ATRNL1: variants seen among roughly 807,000 people sequenced by gnomAD.
ATRNL1 encodes attractin like 1, also known as attractin-like protein 1.
In ATRNL1, 95 loss-of-function variants were observed where a neutral mutation model predicts 182.7. The ratio of observed to expected loss-of-function variants is 0.52; its 90% CI spans 0.44 to 0.62. The LOEUF is 0.62. ATRNL1 is among the 20% of genes least tolerant of loss of function. The pLI is 0.00. For missense variants in ATRNL1, 1,471 were observed against 1,679.5 expected (o/e 0.88, Z 2.17); for synonymous variants, 576 against 568.3 (o/e 1.01, Z -0.19).
At chr10:115,115,425 T>C (rs1223704511) in intron 1 of ATRNL1, among the ~76,000 whole-genome samples, 1 of 152,096 alleles carries the variant, frequency 6.6e-6, no homozygotes, top group Non-Finnish European at 1.5e-5. Flanking sequence ...GCAAAAAATA[T>C]GTATGTGGGG....
intron 8 of ATRNL1, among the ~76,000 whole-genome samples, chr10:115,203,083 G>A (rs1227395046): frequency 6.6e-6 from 1 of 152,258 alleles, no homozygotes; most frequent in Non-Finnish European, 1.5e-5. Flanking sequence ...ATTGGAATAA[G>A]AGAATAGCTT....
chr10:115,719,460 G>T (rs1249683245), intron 26 of ATRNL1, among the ~76,000 whole-genome samples: 3 of 152,162 alleles, frequency 2.0e-5, no homozygotes, highest in African/African-American at 7.2e-5. Context: ...TCACAAGTTG[G>T]AATTCTTTGT....
At chr10:115,235,889 A>G (rs372838187) in intron 9 of ATRNL1, among the ~76,000 whole-genome samples, 1 of 152,258 alleles carries the variant, frequency 6.6e-6, no homozygotes, top group East Asian at 1.9e-4. Context: ...TTCTCACTAG[A>G]AAGAGTTATT....
chr10:115,755,423 A>G (rs1424046762), intron 27 of ATRNL1, among the ~76,000 whole-genome samples: 1 of 152,168 alleles, frequency 6.6e-6, no homozygotes, highest in Non-Finnish European at 1.5e-5. Flanking sequence ...ATCTATTGAG[A>G]TAATCATGTG....
intron 26 of ATRNL1, among the ~76,000 whole-genome samples, chr10:115,700,176 A>C (rs1325353683): frequency 6.6e-6 from 1 of 151,884 alleles, no homozygotes; most frequent in Non-Finnish European, 1.5e-5. Flanking sequence ...TTTTGGTTAA[A>C]TGATTTATTT....
intron 10 of ATRNL1, among the ~76,000 whole-genome samples, chr10:115,258,385 T>G (rs1554907638): frequency 6.6e-6 from 1 of 152,116 alleles, no homozygotes; most frequent in Non-Finnish European, 1.5e-5. Flanking sequence ...CTGATACCCT[T>G]TCTTCTACTT....
At chr10:115,698,446 T>G (rs116193005) in intron 26 of ATRNL1, among the ~76,000 whole-genome samples, 2,055 of 152,154 alleles carry the variant, frequency 0.014, 44 homozygotes, top group African/African-American at 0.045. Context: ...CTGATAGAGT[T>G]CAGTTGAACA....
At chr10:115,603,402 G>T (rs1386838926) in intron 26 of ATRNL1, among the ~76,000 whole-genome samples, 3 of 152,102 alleles carry the variant, frequency 2.0e-5, no homozygotes, top group Non-Finnish European at 4.4e-5. Context: ...AATTATAAGG[G>T]TTTTAGAAAC....
At chr10:115,240,766 C>T (rs949289743) in intron 9 of ATRNL1, among the ~76,000 whole-genome samples, 31 of 151,912 alleles carry the variant, frequency 2.0e-4, no homozygotes, top group Admixed American at 6.6e-5. Flanking sequence ...TCATTCAGAT[C>T]AGTTATAATT....
chr10:115,459,154 A>T (rs1467828378), intron 21 of ATRNL1, among the ~76,000 whole-genome samples: 1 of 152,086 alleles, frequency 6.6e-6, no homozygotes, highest in African/African-American at 2.4e-5. Flanking sequence ...GCTGAGAAGG[A>T]TGTGTATCAT....
chr10:115,679,964 C>A (rs1414692815), intron 26 of ATRNL1, among the ~76,000 whole-genome samples: 6 of 152,096 alleles, frequency 3.9e-5, no homozygotes, highest in Non-Finnish European at 4.4e-5. Flanking sequence ...AGAACTTAAA[C>A]ACATGAGATA....
At chr10:115,780,492 G>A (rs991221623) in intron 27 of ATRNL1, among the ~76,000 whole-genome samples, 6 of 152,284 alleles carry the variant, frequency 3.9e-5, no homozygotes, top group African/African-American at 1.4e-4. Flanking sequence ...CTAAGGAAGT[G>A]CTTGTGCCAC....
intron 26 of ATRNL1, among the ~76,000 whole-genome samples, chr10:115,706,723 G>C (rs1244497264): frequency 6.6e-6 from 1 of 151,808 alleles, no homozygotes; most frequent in Non-Finnish European, 1.5e-5. Context: ...GAATTAATTT[G>C]ACAGCCTGAG....
intron 26 of ATRNL1, among the ~76,000 whole-genome samples, chr10:115,601,190 A>G (rs1856577273): frequency 6.6e-6 from 1 of 152,074 alleles, no homozygotes; most frequent in South Asian, 2.1e-4. Flanking sequence ...TTCCAAATAT[A>G]TTTCTGCTTT....
intron 27 of ATRNL1, among the ~76,000 whole-genome samples, chr10:115,815,102 A>G (rs1188189141): frequency 6.6e-6 from 1 of 152,122 alleles, no homozygotes; most frequent in Admixed American, 6.6e-5. Context: ...CAAATAAACA[A>G]ACACCACAAA....
intron 26 of ATRNL1, among the ~76,000 whole-genome samples, chr10:115,686,501 A>G (rs1271332419): frequency 6.6e-6 from 1 of 152,032 alleles, no homozygotes; most frequent in Non-Finnish European, 1.5e-5. Flanking sequence ...TTAGAACACT[A>G]ACAAAATCCC....
At chr10:115,143,685 A>C (rs533486282) in intron 5 of ATRNL1, among the ~76,000 whole-genome samples, 1 of 152,152 alleles carries the variant, frequency 6.6e-6, no homozygotes, top group Admixed American at 6.5e-5. Context: ...TATATGACAG[A>C]GAGAAGGAGA....
intron 27 of ATRNL1, among the ~76,000 whole-genome samples, chr10:115,833,232 C>T (rs1345991014): frequency 6.6e-6 from 1 of 152,026 alleles, no homozygotes; most frequent in African/African-American, 2.4e-5. Context: ...TTGCAAAAAC[C>T]CTATCAGTAA....
chr10:115,516,471 T>C (rs184202551), intron 24 of ATRNL1, among the ~76,000 whole-genome samples: 3 of 151,988 alleles, frequency 2.0e-5, no homozygotes, highest in Admixed American at 6.6e-5. Flanking sequence ...AAATCAAATA[T>C]CCTCTTCTCT....
Sources: gnomAD v4.1 joint callset for allele counts (sites outside exome capture counted in the v4.1 genomes callset) on GRCh38, gnomAD v4.1.1 for gene constraint, MANE v1.5 for transcripts, NCBI Gene and HGNC (gene_info 2026-07-23, HGNC 2026-07-21) for gene names.